The following INSYN2B variants were observed in gnomAD, a reference collection of about 807,000 sequenced individuals.
INSYN2B encodes inhibitory synaptic factor family member 2B.
Under a neutral mutation model 41.2 loss-of-function variants are expected in INSYN2B, and 16 were observed. The ratio of observed to expected loss-of-function variants is 0.39; its 90% confidence interval spans 0.26 to 0.59. The LOEUF (loss-of-function observed/expected upper bound fraction) is 0.59. INSYN2B is among the 20% of genes least tolerant of loss of function. The pLI is 0.57. For missense variants in INSYN2B, 608 were observed against 646.4 expected (o/e 0.94, Z 0.64); for synonymous variants, 245 against 244.4 (o/e 1.00, Z -0.02).
intron 1 of INSYN2B, among the ~76,000 whole-genome samples, chr5:169,960,179 T>G (rs574910498): frequency 6.6e-6 from 1 of 152,208 alleles, no homozygotes; most frequent in African/African-American, 2.4e-5. Flanking sequence ...ATGATAAATT[T>G]CCACCAGTGT....
chr5:169,905,897 C>A (rs1258060856), intron 1 of INSYN2B, among the ~76,000 whole-genome samples: 1 of 152,210 alleles, frequency 6.6e-6, no homozygotes, highest in Non-Finnish European at 1.5e-5. Flanking sequence ...CACAGTCAAG[C>A]TGATTTCCTA....
Position 169,862,302 on chromosome 5 carries a change from G to A in INSYN2B, c.*1971C>T, listed in dbSNP as rs1434458321. On this transcript the variant is annotated 3_prime_UTR_variant, in exon 4 of 4. Transcript: ENST00000377365. ...GGTTGCCTGGATCTCTTAATTCTGG[G>A]AACAGGGTTATTTACATTCTAGCAT... Among the ~76,000 whole-genome samples, 3 of 152,174 alleles carry A rather than the reference G, an allele frequency of 2.0e-5. No individual in the cohort carries two copies. Among genetic ancestry groups the A allele is most frequent in the African/African-American group, 7.2e-5 (3 of 41,440 alleles).
chr5:169,938,770 T>C (rs1397479614), intron 1 of INSYN2B, among the ~76,000 whole-genome samples: 1 of 152,228 alleles, frequency 6.6e-6, no homozygotes, highest in Non-Finnish European at 1.5e-5. Context: ...AGTGTAACTT[T>C]ACAAACTTTT....
intron 1 of INSYN2B, among the ~76,000 whole-genome samples, chr5:169,893,303 C>T (rs558134128): frequency 2.0e-5 from 3 of 152,282 alleles, no homozygotes; most frequent in African/African-American, 7.2e-5. Context: ...CAGGGGAAAG[C>T]CTTTACTACC....
At chr5:169,976,366 C>T (rs1777718049) in intron 1 of INSYN2B, among the ~76,000 whole-genome samples, 4 of 152,256 alleles carry the variant, frequency 2.6e-5, no homozygotes, top group African/African-American at 9.6e-5. Flanking sequence ...TCTAACTTTC[C>T]TCCTGTATAA....
intron 1 of INSYN2B, among the ~76,000 whole-genome samples, chr5:169,919,272 C>T (rs766784942): frequency 6.6e-6 from 1 of 152,164 alleles, no homozygotes; most frequent in African/African-American, 2.4e-5. Flanking sequence ...AGAGGTGGGG[C>T]CCAAATGAGT....
intron 1 of INSYN2B, among the ~76,000 whole-genome samples, chr5:169,906,188 G>T (rs1774265817): frequency 6.6e-6 from 1 of 152,136 alleles, no homozygotes; most frequent in African/African-American, 2.4e-5. Flanking sequence ...ATTGTGCCCG[G>T]GGCCGTGGAT....
intron 1 of INSYN2B, among the ~76,000 whole-genome samples, chr5:169,926,246 T>A (rs1236639252): frequency 6.6e-6 from 1 of 152,206 alleles, no homozygotes; most frequent in Non-Finnish European, 1.5e-5. Context: ...ACTCACCTGA[T>A]TGTCTCTCAC....
chr5:169,865,519 C>T (rs184280986), intron 3 of INSYN2B, among the ~76,000 whole-genome samples: 6 of 152,300 alleles, frequency 3.9e-5, no homozygotes, highest in Admixed American at 2.0e-4. Context: ...GGGCTGAGCA[C>T]GGGTTCCCTC....
intron 1 of INSYN2B, among the ~76,000 whole-genome samples, chr5:169,889,970 T>A (rs1773189581): frequency 6.6e-6 from 1 of 151,854 alleles, no homozygotes; most frequent in Admixed American, 6.5e-5. Context: ...TAACCTTTAC[T>A]GTTTACACCA....
At chr5:169,885,477 A>G (rs1772919508) in intron 1 of INSYN2B, among the ~76,000 whole-genome samples, 1 of 152,212 alleles carries the variant, frequency 6.6e-6, no homozygotes, top group Non-Finnish European at 1.5e-5. Flanking sequence ...TCGTTCTGCT[A>G]TGACTGCAAC....
intron 1 of INSYN2B, among the ~76,000 whole-genome samples, chr5:169,910,244 A>C (rs1469497682): frequency 6.6e-6 from 1 of 152,192 alleles, no homozygotes; most frequent in Non-Finnish European, 1.5e-5. Context: ...TCATGTTAGA[A>C]GTGGCCATCT....
intron 1 of INSYN2B, among the ~76,000 whole-genome samples, chr5:169,916,609 A>G (rs1774887361): frequency 6.6e-6 from 1 of 152,204 alleles, no homozygotes; most frequent in Non-Finnish European, 1.5e-5. Flanking sequence ...ACAAGTTAAT[A>G]TATTTAAAGT....
chr5:169,978,206 C>A (rs1386264467), intron 1 of INSYN2B, among the ~76,000 whole-genome samples: 1 of 152,114 alleles, frequency 6.6e-6, no homozygotes, highest in African/African-American at 2.4e-5. Flanking sequence ...GGCTGTTTCA[C>A]TCCCTCTGCG....
At chr5:169,878,256 A>G (rs532594111) in intron 3 of INSYN2B, among the ~76,000 whole-genome samples, 1 of 152,322 alleles carries the variant, frequency 6.6e-6, no homozygotes, top group Non-Finnish European at 1.5e-5. Context: ...CCAAACTTCA[A>G]TCACTCATTC....
chr5:169,866,790 C>G (rs1288975638), intron 3 of INSYN2B, among the ~76,000 whole-genome samples: 1 of 152,216 alleles, frequency 6.6e-6, no homozygotes, highest in Non-Finnish European at 1.5e-5. Flanking sequence ...TGTTTTTCCT[C>G]TGCTCTCACA....
At chr5:169,957,650 C>T (rs538953701) in intron 1 of INSYN2B, among the ~76,000 whole-genome samples, 12 of 152,258 alleles carry the variant, frequency 7.9e-5, no homozygotes, top group African/African-American at 2.2e-4. Flanking sequence ...AGAGGCAATG[C>T]GCGAGGAAGC....
At chr5:169,965,619 G>A (rs1166041270) in intron 1 of INSYN2B, among the ~76,000 whole-genome samples, 1 of 152,154 alleles carries the variant, frequency 6.6e-6, no homozygotes, top group Non-Finnish European at 1.5e-5. Context: ...GCTGGTGGCA[G>A]GTAATTCTAA....
chr5:169,893,310 T>C (rs1306213242), intron 1 of INSYN2B, among the ~76,000 whole-genome samples: 2 of 152,200 alleles, frequency 1.3e-5, no homozygotes, highest in Admixed American at 1.3e-4. Context: ...AAGCCTTTAC[T>C]ACCACCAGAT....
Sources: allele counts gnomAD v4.1 joint callset (sites outside exome capture counted in the v4.1 genomes callset), GRCh38; gene constraint gnomAD v4.1.1; transcripts MANE v1.5; gene names NCBI Gene and HGNC (gene_info 2026-07-23, HGNC 2026-07-21).